TOM1L2: variants seen among roughly 807,000 people sequenced by gnomAD.
The protein encoded by TOM1L2 is TOM1-like protein 2.
Under a neutral mutation model 67.9 loss-of-function variants are expected in TOM1L2, and 31 were observed. The ratio of observed to expected loss-of-function variants is 0.46; its 90% CI spans 0.34 to 0.62. The LOEUF is 0.62. TOM1L2 is among the 20% of genes least tolerant of loss of function. The pLI is 0.01. For synonymous variants in TOM1L2, 256 were observed against 254.0 expected, an observed-to-expected ratio of 1.01 and a Z score of -0.07; for missense variants, 606 against 663.5, an observed-to-expected ratio of 0.91 and a Z score of 0.95.
chr17:17,928,248 G>A (rs2040178744), intron 1 of TOM1L2, among the ~76,000 whole-genome samples: 2 of 152,156 alleles, frequency 1.3e-5, no homozygotes, highest in Admixed American at 1.3e-4. Context: ...GGGAAGGGGA[G>A]AGCTGATTCT....
intron 11 of TOM1L2, 74 bp downstream of exon 11, chr17:17,862,657 G>C (rs2036622033): frequency 7.9e-7 from 1 of 1,271,336 alleles, no homozygotes; most frequent in African/African-American, 1.5e-5. Flanking sequence ...ATGCCTTTTT[G>C]TGCTGGCCTG....
chr17:17,926,563 T>A (rs2040092792), intron 1 of TOM1L2, among the ~76,000 whole-genome samples: 1 of 152,190 alleles, frequency 6.6e-6, no homozygotes, highest in Non-Finnish European at 1.5e-5. Context: ...AGATTACATT[T>A]AAATGTAACC....
At chr17:17,903,267 C>CTTAT (rs2038937001) in intron 2 of TOM1L2, among the ~76,000 whole-genome samples, 1 of 152,154 alleles carries the variant, frequency 6.6e-6, no homozygotes, top group South Asian at 2.1e-4. Flanking sequence ...CATTTATTCA[C>CTTAT]TTATTTAACA....
At chr17:17,937,154 C>G (rs569570233) in intron 1 of TOM1L2, among the ~76,000 whole-genome samples, 1 of 152,336 alleles carries the variant, frequency 6.6e-6, no homozygotes, top group East Asian at 1.9e-4. Flanking sequence ...CAAATTGTCC[C>G]TACTCCAGTG....
intron 13 of TOM1L2, 38 bp from the exon 14 acceptor site, chr17:17,848,897 G>A: frequency 6.2e-7 from 1 of 1,612,144 alleles, no homozygotes. Flanking sequence ...TAGGGCACTG[G>A]TCCAAGCACT....
At chr17:17,955,099 T>A (rs1209404705) in intron 1 of TOM1L2, among the ~76,000 whole-genome samples, 2 of 152,192 alleles carry the variant, frequency 1.3e-5, no homozygotes, top group Non-Finnish European at 2.9e-5. Context: ...GGTGTCATAG[T>A]TAGTCTCTCA....
At chr17:17,903,503 C>A (rs2144358897) in intron 2 of TOM1L2, among the ~76,000 whole-genome samples, 1 of 151,896 alleles carries the variant, frequency 6.6e-6, no homozygotes, top group African/African-American at 2.4e-5. Context: ...GTCCCAGCTA[C>A]TCAGGAGGCT....
intron 13 of TOM1L2, among the ~76,000 whole-genome samples, chr17:17,849,230 AG>A (rs2035824500): frequency 6.6e-6 from 1 of 152,236 alleles, no homozygotes; most frequent in Admixed American, 6.5e-5. Context: ...CAGTAGCCAC[AG>A]GGGGCTGAGC....
At chr17:17,936,873 C>T (rs533255092) in intron 1 of TOM1L2, among the ~76,000 whole-genome samples, 20 of 152,238 alleles carry the variant, frequency 1.3e-4, no homozygotes, top group African/African-American at 4.6e-4. Flanking sequence ...CTCTACATTT[C>T]TTTCTGCTTT....
chr17:17,919,775 GA>G (rs2039777660), intron 1 of TOM1L2, among the ~76,000 whole-genome samples: 1 of 152,180 alleles, frequency 6.6e-6, no homozygotes. Context: ...AAAAAATGGA[GA>G]AACAGAAGAG....
intron 1 of TOM1L2, among the ~76,000 whole-genome samples, chr17:17,953,306 A>C (rs1215834924): frequency 6.6e-6 from 1 of 152,094 alleles, no homozygotes; most frequent in Admixed American, 6.5e-5. Flanking sequence ...ATAAAGGTAA[A>C]TGTTATGTTA....
intron 1 of TOM1L2, among the ~76,000 whole-genome samples, chr17:17,931,063 T>C (rs952896783): frequency 3.9e-5 from 6 of 152,228 alleles, no homozygotes; most frequent in African/African-American, 9.7e-5. Flanking sequence ...TGGTATTAAC[T>C]GCCCTTTACC....
intron 12 of TOM1L2, among the ~76,000 whole-genome samples, 187 bp downstream of exon 12, chr17:17,861,289 G>A (rs529485298): frequency 1.3e-5 from 2 of 152,236 alleles, no homozygotes; most frequent in African/African-American, 2.4e-5. Flanking sequence ...CTCATCTCAC[G>A]GGGTGAGGTG....
intron 8 of TOM1L2, among the ~76,000 whole-genome samples, chr17:17,867,658 C>A (rs534468884): frequency 6.6e-6 from 1 of 152,286 alleles, no homozygotes; most frequent in African/African-American, 2.4e-5. Context: ...CCATGGGCAG[C>A]GGTAGCTAAG....
intron 7 of TOM1L2, chr17:17,869,700 C>T: frequency 7.4e-7 from 1 of 1,357,136 alleles, no homozygotes; most frequent in Non-Finnish European, 9.5e-7. Context: ...TCCAGACATA[C>T]TGTTGTATGT....
At chr17:17,851,295 TCTAA>T (rs2035963688) in intron 12 of TOM1L2, 1 of 355,506 alleles carries the variant, frequency 2.8e-6, no homozygotes, top group Non-Finnish European at 5.4e-6. Context: ...CAAAACACCT[TCTAA>T]CTTCAGGAAG....
chr17:17,926,385 C>G (rs2040084862), intron 1 of TOM1L2, among the ~76,000 whole-genome samples: 1 of 152,070 alleles, frequency 6.6e-6, no homozygotes, highest in Non-Finnish European at 1.5e-5. Flanking sequence ...TTAAGGAGGA[C>G]CAAACTGAGA....
chr17:17,864,856 G>A (rs528316549), intron 10 of TOM1L2, among the ~76,000 whole-genome samples: 1 of 152,204 alleles, frequency 6.6e-6, no homozygotes, highest in Non-Finnish European at 1.5e-5. Context: ...TGAAGGCAGA[G>A]ACATCTGTTC....
chr17:17,913,292 C>T (rs1204548861), intron 1 of TOM1L2, among the ~76,000 whole-genome samples: 1 of 143,188 alleles, frequency 7.0e-6, no homozygotes, highest in East Asian at 2.0e-4. Context: ...AGCTGGATTT[C>T]AAAGCTTCAT....
Sources: allele counts gnomAD v4.1 joint callset (sites outside exome capture counted in the v4.1 genomes callset), GRCh38; gene constraint gnomAD v4.1.1; transcripts MANE v1.5; gene names NCBI Gene and HGNC (gene_info 2026-07-23, HGNC 2026-07-21).